Variants in PRKN observed in about 807,000 individuals in gnomAD.
The protein encoded by PRKN is E3 ubiquitin-protein ligase parkin.
In PRKN, 56 loss-of-function variants were observed where a neutral mutation model predicts 59.5. The observed-to-expected ratio is 0.94, with a 90% CI of 0.76 to 1.18. The LOEUF (loss-of-function observed/expected upper bound fraction) is 1.18. PRKN is among the 50% of genes most tolerant of loss of function. The pLI, the probability that PRKN is intolerant of heterozygous loss-of-function variation, is 0.00. For missense variants in PRKN, 657 were observed against 596.4 expected (o/e 1.10, Z -1.06); for synonymous variants, 250 against 222.1 (o/e 1.13, Z -1.12).
intron 6 of PRKN, among the ~76,000 whole-genome samples, chr6:161,909,838 T>G (rs182878195): frequency 6.6e-6 from 1 of 152,224 alleles, no homozygotes; most frequent in Non-Finnish European, 1.5e-5. Flanking sequence ...AATGCTTTCA[T>G]GACCTAACGT....
At chr6:162,322,026 T>A (rs1464858652) in intron 2 of PRKN, among the ~76,000 whole-genome samples, 5 of 151,890 alleles carry the variant, frequency 3.3e-5, no homozygotes, top group Non-Finnish European at 7.4e-5. Flanking sequence ...ATAAAATGCA[T>A]AAGATTAGAA....
chr6:162,229,676 C>T (rs1195975438), intron 3 of PRKN, among the ~76,000 whole-genome samples: 1 of 152,054 alleles, frequency 6.6e-6, no homozygotes, highest in Admixed American at 6.5e-5. Context: ...TGCCCTCGGC[C>T]TTGGCACTTG....
intron 2 of PRKN, 95 bp from the exon 3 acceptor site, chr6:162,262,860 G>A: frequency 6.6e-7 from 1 of 1,510,394 alleles, no homozygotes; most frequent in South Asian, 1.2e-5. Flanking sequence ...GTGGTAGAAG[G>A]GAAGCAAAAG....
intron 1 of PRKN, among the ~76,000 whole-genome samples, chr6:162,609,892 G>A (rs1782075314): frequency 2.0e-5 from 3 of 151,984 alleles, no homozygotes; most frequent in South Asian, 4.1e-4. Flanking sequence ...GTTCTTAAAC[G>A]CATAACACAG....
chr6:161,710,927 CCCTTCCTT>C (rs112997197), intron 7 of PRKN, among the ~76,000 whole-genome samples: 3 of 139,606 alleles, frequency 2.1e-5, no homozygotes, highest in African/African-American at 8.2e-5. Flanking sequence ...CCTTCCTCAC[CCCTTCCTT>C]CCTTCCTTCC....
rs7771837 is a variant in PRKN, at chr6:161,562,312, A to T, written c.933+7043T>A. On this transcript the variant is annotated intron_variant, in intron 8 of 11. Coordinates refer to ENST00000366898, the MANE Select transcript of PRKN (RefSeq NM_004562.3). This position sits in a 1 kb window ranked among gnomAD's most constrained non-coding sequence, Gnocchi z 4.3. The stretch of plus-strand genomic sequence containing the variant: ...CATTCCTCCTCCGGAAGGCCCGCCT[A>T]CTTGCCTTCTCAGCTTCCTCAACAC... 0.65 allele frequency among the ~76,000 whole-genome samples: 98,549 copies of T among 151,978 alleles called. 32,117 individuals carry two copies. Among genetic ancestry groups the T allele is most frequent in the Middle Eastern group, 0.74 (217 of 294 alleles).
intron 6 of PRKN, among the ~76,000 whole-genome samples, chr6:161,851,600 C>A (rs1414992816): frequency 6.6e-6 from 1 of 151,768 alleles, no homozygotes; most frequent in Non-Finnish European, 1.5e-5. Flanking sequence ...TCGTACGTGC[C>A]TCAGCCTCCT....
intron 2 of PRKN, among the ~76,000 whole-genome samples, chr6:162,276,999 G>T (rs914293346): frequency 6.6e-6 from 1 of 152,096 alleles, no homozygotes; most frequent in African/African-American, 2.4e-5. Context: ...AAAAATCCAT[G>T]AATATATGAT....
chr6:162,412,471 T>C (rs528352566), intron 2 of PRKN, among the ~76,000 whole-genome samples: 31 of 151,970 alleles, frequency 2.0e-4, no homozygotes, highest in African/African-American at 6.5e-4. Context: ...CCAGTATACA[T>C]TCAAACAAGC....
At chr6:162,021,232 A>G (rs1303895658) in intron 5 of PRKN, among the ~76,000 whole-genome samples, 2 of 132,996 alleles carry the variant, frequency 1.5e-5, no homozygotes, top group African/African-American at 5.5e-5. Context: ...TACATCAAAT[A>G]TATATATAAT....
chr6:162,174,430 G>T (rs1024990297), intron 4 of PRKN, among the ~76,000 whole-genome samples: 1 of 152,102 alleles, frequency 6.6e-6, no homozygotes, highest in Non-Finnish European at 1.5e-5. Flanking sequence ...TTGGTTCTGA[G>T]TGCACACAGA....
intron 4 of PRKN, among the ~76,000 whole-genome samples, chr6:162,139,044 G>A (rs1360540213): frequency 6.6e-6 from 1 of 152,204 alleles, no homozygotes; most frequent in African/African-American, 2.4e-5. Flanking sequence ...AGACATGATC[G>A]ATGCCTTCAG....
At chr6:162,077,785 A>C (rs573817663) in intron 4 of PRKN, among the ~76,000 whole-genome samples, 1 of 152,080 alleles carries the variant, frequency 6.6e-6, no homozygotes, top group Non-Finnish European at 1.5e-5. Flanking sequence ...GGATCACCTG[A>C]GATCAGAAGT....
chr6:162,715,802 T>C (rs1778698561), intron 1 of PRKN, among the ~76,000 whole-genome samples: 2 of 152,200 alleles, frequency 1.3e-5, no homozygotes, highest in South Asian at 2.1e-4. Flanking sequence ...CAACTACTCA[T>C]CCTTCCCAAC....
At position 161,462,727 on chromosome 6, in the gene PRKN, T is replaced by C. The variant is rs1167908777; in HGVS notation, c.1084-75850A>G. Among the ~76,000 whole-genome samples, 1 of 152,188 alleles carries C rather than the reference T, an allele frequency of 6.6e-6. No homozygotes were observed. Among genetic ancestry groups the C allele is most frequent in the Non-Finnish European group, 1.5e-5 (1 of 68,030 alleles). On this transcript the variant is annotated intron_variant, in intron 9 of 11. Coordinates refer to ENST00000366898, the MANE Select transcript of PRKN (RefSeq NM_004562.3). This position sits in a 1 kb window ranked among gnomAD's most constrained non-coding sequence, Gnocchi z 4.5. ...TGGGAATTGCTGCTAAAACATTCTG[T>C]AGCTGGAAAATATCACCCTGTTTCT... is the stretch of plus-strand genomic sequence containing the variant.
At chr6:162,645,375 A>C (rs1583972332) in intron 1 of PRKN, among the ~76,000 whole-genome samples, 1 of 152,198 alleles carries the variant, frequency 6.6e-6, no homozygotes, top group African/African-American at 2.4e-5. Context: ...TTGTGCATCA[A>C]GAAGCAAACA....
In PRKN at chr6:161,385,363, G is replaced by A. The variant is rs962863045; in HGVS notation, c.1167+1431C>T. ...CCGATGCTGGACATCTATGGTTTAG[G>A]TCATCTCTAACTTTCTTTTTCCTAT... On this transcript the variant is annotated intron_variant, in intron 10 of 11. Coordinates refer to ENST00000366898, the MANE Select transcript of PRKN (RefSeq NM_004562.3). The surrounding 1 kb of genome is among the most constrained non-coding windows in gnomAD (Gnocchi z 4.9). Among the ~76,000 whole-genome samples, 1 of 152,142 alleles carries A rather than the reference G, an allele frequency of 6.6e-6. No homozygotes were observed. The highest frequency in any genetic ancestry group is 1.5e-5 in the Non-Finnish European group (1 of 68,038).
rs1255387888 is a variant in PRKN at position 161,529,518 on chromosome 6, A to C, written c.1083+19336T>G. 1.3e-5 allele frequency among the ~76,000 whole-genome samples: 2 copies of C among 152,180 alleles called. No individual in the cohort carries two copies. The highest frequency in any genetic ancestry group is 2.9e-5 in the Non-Finnish European group (2 of 68,028). ...AATGGCTTACTTATGATCTCACAGC[A>C]ATGGGACAGAGAAATGGCTGGTTTC... On this transcript the variant is annotated intron_variant, in intron 9 of 11. Coordinates refer to ENST00000366898, the MANE Select transcript of PRKN (RefSeq NM_004562.3). This position sits in a 1 kb window ranked among gnomAD's most constrained non-coding sequence, Gnocchi z 4.4.
At chr6:162,443,505 A>C (rs773893729) in intron 1 of PRKN, 32 bp from the exon 2 acceptor site, 2 of 1,607,854 alleles carry the variant, frequency 1.2e-6, no homozygotes, top group South Asian at 2.2e-5. Context: ...GAGAAGAGAA[A>C]GTGAGCATCA....
Sources: gnomAD v4.1 joint callset for allele counts (sites outside exome capture counted in the v4.1 genomes callset) on GRCh38, gnomAD v4.1.1 for gene constraint, Gnocchi (gnomAD v3.1) non-coding constraint, MANE v1.5 for transcripts, NCBI Gene and HGNC (gene_info 2026-07-23, HGNC 2026-07-21) for gene names.